Variants in KAZN observed in about 807,000 individuals in gnomAD.
KAZN encodes kazrin.
KAZN carries 40 observed loss-of-function variants against 87.4 expected under a neutral mutation model. That is an observed-to-expected ratio of 0.46 (90% confidence interval 0.36 to 0.60). The LOEUF (loss-of-function observed/expected upper bound fraction) is 0.60, where lower values mean the gene tolerates loss of function less well. Ranked by LOEUF, KAZN falls within the 20% of genes least tolerant of loss-of-function variation. The probability of loss-of-function intolerance (pLI) is 0.00; values close to 1 mark genes in which losing one functional copy is unlikely to be tolerated. For synonymous variants in KAZN, 466 were observed against 458.3 expected, an observed-to-expected ratio of 1.02 and a Z score of -0.22; for missense variants, 898 against 1,073.9, an observed-to-expected ratio of 0.84 and a Z score of 2.29.
chr1:14,815,869 C>T lies in KAZN; in HGVS notation c.227-144815C>T, dbSNP rs1184659061. ...TGGCATCATCTTCCTGGGTTCTGGG[C>T]AGATAAAGGAGATCCCATCACTTCT... is the stretch of plus-strand genomic sequence containing the variant. On this transcript the variant is annotated intron_variant, in intron 1 of 14. Transcript: ENST00000376030. Among the ~76,000 whole-genome samples the T allele has an allele frequency of 2.0e-5, 3 of 152,280 alleles. No homozygotes were observed. The East Asian group carries it at 5.8e-4, about 29-fold the overall frequency.
intron 1 of KAZN, among the ~76,000 whole-genome samples, chr1:14,084,255 C>A (rs184573016): frequency 1.3e-5 from 2 of 152,200 alleles, no homozygotes; most frequent in East Asian, 3.9e-4. Context: ...AGGAGTGACC[C>A]CCTGGTTTCT....
intron 1 of KAZN, among the ~76,000 whole-genome samples, chr1:14,880,765 T>C (rs1653252586): frequency 6.6e-6 from 1 of 152,160 alleles, no homozygotes; most frequent in African/African-American, 2.4e-5. Context: ...ATTTGTGCAT[T>C]CCAGGAGAGA....
At chr1:14,323,030 C>G (rs181630279) in intron 2 of KAZN, among the ~76,000 whole-genome samples, 129 of 152,118 alleles carry the variant, frequency 8.5e-4, no homozygotes, top group African/African-American at 2.9e-3. Context: ...AGGGAAGAGC[C>G]CCTTATATAA....
intron 2 of KAZN, among the ~76,000 whole-genome samples, chr1:15,024,890 C>T (rs1295340864): frequency 1.3e-5 from 2 of 152,208 alleles, no homozygotes; most frequent in Non-Finnish European, 2.9e-5. Flanking sequence ...GCTCCGAGAT[C>T]ACCAGGACTG....
At chr1:14,956,661 A>G (rs906994117) in intron 1 of KAZN, among the ~76,000 whole-genome samples, 1 of 152,160 alleles carries the variant, frequency 6.6e-6, no homozygotes, top group Admixed American at 6.5e-5. Context: ...CTGTGTGACA[A>G]TGGACATACT....
chr1:14,871,018 G>T (rs574738131), intron 1 of KAZN, among the ~76,000 whole-genome samples: 1 of 152,306 alleles, frequency 6.6e-6, no homozygotes, highest in Non-Finnish European at 1.5e-5. Flanking sequence ...ATCCTCCATG[G>T]TCTCAGCTCA....
intron 1 of KAZN, among the ~76,000 whole-genome samples, chr1:14,070,851 A>C (rs1039818261): frequency 2.6e-4 from 39 of 152,164 alleles, no homozygotes; most frequent in African/African-American, 8.9e-4. Flanking sequence ...ACAGCCACAG[A>C]CCATGCCTTA....
intron 2 of KAZN, among the ~76,000 whole-genome samples, chr1:14,975,571 T>C (rs1665508752): frequency 6.6e-6 from 1 of 152,172 alleles, no homozygotes; most frequent in South Asian, 2.1e-4. Flanking sequence ...AAGGTATATA[T>C]AATTAATAAA....
chr1:14,392,907 T>C lies in KAZN; in HGVS notation c.250-206076T>C, dbSNP rs141795188. Among the ~76,000 whole-genome samples, 3 of 152,252 alleles carry C rather than the reference T, an allele frequency of 2.0e-5. No individual in the cohort carries two copies. The East Asian group carries it at 5.8e-4, about 29-fold the overall frequency. ...TGAATAAGTGTATACATTTTCTAGT[T>C]GGGGTCTTCTGGTCAGGAGGGGAGG... On this transcript the variant is annotated intron_variant, in intron 2 of 16. Coordinates refer to the KAZN transcript ENST00000636203.
At chr1:14,526,657 T>C (rs900665429) in intron 2 of KAZN, among the ~76,000 whole-genome samples, 2 of 152,204 alleles carry the variant, frequency 1.3e-5, no homozygotes, top group Non-Finnish European at 2.9e-5. Context: ...TCCAGTTTCA[T>C]AGTGGTCCAT....
intron 1 of KAZN, among the ~76,000 whole-genome samples, chr1:14,004,321 A>G (rs1408998088): frequency 8.5e-5 from 13 of 152,232 alleles, no homozygotes; most frequent in Non-Finnish European, 1.6e-4. Context: ...GGCAGTATCT[A>G]CAAATGTTGA....
rs145784981 is a variant in KAZN at position 14,647,077 on chromosome 1, C to T, written c.226+47854C>T. On this transcript the variant is annotated intron_variant, in intron 1 of 14. Coordinates refer to ENST00000376030, the MANE Select transcript of KAZN (RefSeq NM_201628.3). ...GCAGTTATTGGTTCCAACAATAGGC[C>T]GACATTTTACTTACATCTTAAACCC... is the stretch of plus-strand genomic sequence containing the variant. Among the ~76,000 whole-genome samples, 874 of 152,274 alleles carry T rather than the reference C, an allele frequency of 5.7e-3. 20 individuals are homozygous for T. Among genetic ancestry groups the T allele is most frequent in the Admixed American group, 0.048 (738 of 15,292 alleles).
At chr1:14,850,445 C>T (rs1157540769) in intron 1 of KAZN, among the ~76,000 whole-genome samples, 1 of 152,128 alleles carries the variant, frequency 6.6e-6, no homozygotes, top group African/African-American at 2.4e-5. Flanking sequence ...TCCAAGGAGG[C>T]TTATACGGCT....
chr1:15,046,132 T>C (rs1175471327), intron 4 of KAZN, among the ~76,000 whole-genome samples: 1 of 152,096 alleles, frequency 6.6e-6, no homozygotes, highest in African/African-American at 2.4e-5. Flanking sequence ...ACCTTGTCTC[T>C]ACTAAAAATA....
intron 1 of KAZN, among the ~76,000 whole-genome samples, chr1:14,694,624 G>A (rs1046142742): frequency 1.2e-4 from 18 of 152,188 alleles, no homozygotes; most frequent in Admixed American, 3.9e-4. Context: ...AGGAAAGTTG[G>A]TGTCAGAGTA....
intron 2 of KAZN, among the ~76,000 whole-genome samples, chr1:14,586,020 C>A (rs1159249602): frequency 1.3e-5 from 2 of 152,164 alleles, no homozygotes; most frequent in African/African-American, 4.8e-5. Flanking sequence ...CACAGCTGTT[C>A]CCTAGTGGGG....
intron 2 of KAZN, among the ~76,000 whole-genome samples, chr1:15,025,785 T>C (rs575183029): frequency 3.9e-4 from 60 of 152,106 alleles, no homozygotes; most frequent in Non-Finnish European, 7.1e-4. Context: ...CGCGAGCCGG[T>C]CAACCCACTT....
chr1:14,498,009 C>T (rs111679856), intron 2 of KAZN, among the ~76,000 whole-genome samples: 8 of 152,270 alleles, frequency 5.3e-5, no homozygotes, highest in African/African-American at 1.9e-4. Flanking sequence ...ATCCGGTTTC[C>T]CTTGCCTGTA....
intron 1 of KAZN, among the ~76,000 whole-genome samples, chr1:14,822,109 C>T (rs1646752575): frequency 6.6e-6 from 1 of 152,186 alleles, no homozygotes; most frequent in Non-Finnish European, 1.5e-5. Context: ...ACAACAGCGA[C>T]CCTTCTTGCC....
Sources: gnomAD v4.1 joint callset for allele counts (sites outside exome capture counted in the v4.1 genomes callset) on GRCh38, gnomAD v4.1.1 for gene constraint, MANE v1.5 for transcripts, NCBI Gene and HGNC (gene_info 2026-07-23, HGNC 2026-07-21) for gene names.